The following MAGI2 variants were observed in gnomAD, a reference collection of about 807,000 sequenced individuals.
MAGI2 encodes the protein membrane associated guanylate kinase, WW and PDZ domain containing 2, also known as membrane-associated guanylate kinase, WW and PDZ domain-containing protein 2.
Under a neutral mutation model 133.3 loss-of-function variants are expected in MAGI2, and 35 were observed. The observed-to-expected ratio is 0.26, with a 90% CI of 0.20 to 0.35. MAGI2 has a LOEUF of 0.35. Ranked by LOEUF, MAGI2 falls within the 10% of genes least tolerant of loss-of-function variation. MAGI2 has a pLI of 1.00. For synonymous variants in MAGI2, 729 were observed against 710.6 expected (o/e 1.03, Z -0.41); for missense variants, 1,636 against 1,863.4 (o/e 0.88, Z 2.25).
chr7:78,600,130 G>A (rs1341274957), intron 3 of MAGI2, among the ~76,000 whole-genome samples: 1 of 152,052 alleles, frequency 6.6e-6, no homozygotes, highest in Non-Finnish European at 1.5e-5. Context: ...TTTCAAAAAT[G>A]TGATTATCTT....
intron 21 of MAGI2, among the ~76,000 whole-genome samples, chr7:78,022,201 T>C (rs1219570180): frequency 6.6e-6 from 1 of 152,238 alleles, no homozygotes; most frequent in East Asian, 1.9e-4. Flanking sequence ...AAATGATAAG[T>C]GGTGGCAATC....
intron 9 of MAGI2, among the ~76,000 whole-genome samples, chr7:78,340,708 CAT>C (rs1790280824): frequency 6.6e-6 from 1 of 152,290 alleles, no homozygotes; most frequent in East Asian, 1.9e-4. Flanking sequence ...ACAAAAACCA[CAT>C]GATTATCTCA....
chr7:79,393,632 G>T (rs1412963276), intron 1 of MAGI2, among the ~76,000 whole-genome samples: 1 of 152,052 alleles, frequency 6.6e-6, no homozygotes, highest in African/African-American at 2.4e-5. Context: ...CAAATTTCTT[G>T]CCACATGTGA....
chr7:78,819,516 T>C, intron 2 of MAGI2, among the ~76,000 whole-genome samples: 1 of 152,114 alleles, frequency 6.6e-6, no homozygotes, highest in East Asian at 1.9e-4. Flanking sequence ...TATGCATTTT[T>C]GTTAGACGTC....
chr7:78,071,495 C>T (rs1814695451), intron 21 of MAGI2, among the ~76,000 whole-genome samples: 1 of 152,132 alleles, frequency 6.6e-6, no homozygotes, highest in South Asian at 2.1e-4. Context: ...TGAGATCACA[C>T]CGTTGTACTC....
chr7:78,346,876 A>G (rs1790966874), intron 7 of MAGI2, among the ~76,000 whole-genome samples: 1 of 152,202 alleles, frequency 6.6e-6, no homozygotes, highest in South Asian at 2.1e-4. Flanking sequence ...ACATAGAATT[A>G]TGGCAGGCAA....
chr7:79,327,089 G>A (rs1191481524), intron 1 of MAGI2, among the ~76,000 whole-genome samples: 1 of 152,100 alleles, frequency 6.6e-6, no homozygotes, highest in Non-Finnish European at 1.5e-5. Context: ...AGCCATACTT[G>A]GTGGGTTTGA....
intron 10 of MAGI2, among the ~76,000 whole-genome samples, chr7:78,207,320 T>A: frequency 6.6e-6 from 1 of 152,158 alleles, no homozygotes. Flanking sequence ...GGAGAAACTC[T>A]TTCAATACAA....
At chr7:78,185,521 T>C in intron 13 of MAGI2, 108 bp downstream of exon 13, 1 of 814,334 alleles carries the variant, frequency 1.2e-6, no homozygotes, top group Non-Finnish European at 1.9e-6. Context: ...GTGACTAAAG[T>C]AGCACAGCGA....
At chr7:78,689,660 A>G (rs1161754210) in intron 2 of MAGI2, among the ~76,000 whole-genome samples, 1 of 136,396 alleles carries the variant, frequency 7.3e-6, no homozygotes, top group Non-Finnish European at 1.6e-5. Context: ...AAACTACACA[A>G]TGTGTATCTT....
chr7:78,225,509 A>C (rs1789284575), intron 10 of MAGI2, among the ~76,000 whole-genome samples: 1 of 152,090 alleles, frequency 6.6e-6, no homozygotes, highest in Non-Finnish European at 1.5e-5. Flanking sequence ...GCCAACATGC[A>C]CCTGTATTTG....
At chr7:79,268,514 C>T (rs1415034534) in intron 1 of MAGI2, among the ~76,000 whole-genome samples, 4 of 152,132 alleles carry the variant, frequency 2.6e-5, no homozygotes, top group Admixed American at 2.6e-4. Context: ...AGTAAGCTAG[C>T]CTTCAAAACC....
At position 78,547,960 on chromosome 7, in the gene MAGI2, GCTT is replaced by G. The variant is rs200137347; in HGVS notation, c.539-26318_539-26316del. ...AGTACAGTTTGCCTTAACCTTTTAA[GCTT>G]CTTTTCTTCTCACCTCTAGAATTGG... is the stretch of plus-strand genomic sequence containing the variant. On this transcript the variant is annotated intron_variant, in intron 3 of 21. Transcript: ENST00000354212. 8.8e-3 allele frequency among the ~76,000 whole-genome samples: 1,335 copies of G among 152,310 alleles called. 17 individuals carry two copies. Among genetic ancestry groups the G allele is most frequent in the African/African-American group, 0.031 (1,283 of 41,570 alleles).
intron 9 of MAGI2, among the ~76,000 whole-genome samples, chr7:78,317,473 T>C (rs1013509951): frequency 6.6e-5 from 10 of 152,186 alleles, no homozygotes; most frequent in African/African-American, 2.4e-4. Context: ...CGCATCAGCA[T>C]AGTAGGTTAA....
At chr7:78,704,751 A>G (rs2151159467) in intron 2 of MAGI2, among the ~76,000 whole-genome samples, 1 of 150,540 alleles carries the variant, frequency 6.6e-6, no homozygotes, top group East Asian at 2.0e-4. Flanking sequence ...CTTGGCTGCA[A>G]CATGGAAGGA....
At chr7:78,792,156 A>G (rs931107992) in intron 2 of MAGI2, among the ~76,000 whole-genome samples, 3 of 152,130 alleles carry the variant, frequency 2.0e-5, no homozygotes, top group Admixed American at 6.5e-5. Context: ...AGTTTGGCCT[A>G]AGTTCAAACG....
intron 1 of MAGI2, chr7:79,009,093 T>C (rs1807777384): frequency 6.6e-6 from 1 of 152,134 alleles, no homozygotes. Flanking sequence ...AAATGCCAAC[T>C]ATAGAACAAC....
intron 1 of MAGI2, among the ~76,000 whole-genome samples, chr7:79,266,451 G>T (rs917370382): frequency 2.0e-5 from 3 of 151,952 alleles, no homozygotes; most frequent in African/African-American, 7.3e-5. Flanking sequence ...AAGATTATCT[G>T]ATTACTGAGC....
At chr7:78,320,414 C>A (rs1787880043) in intron 9 of MAGI2, among the ~76,000 whole-genome samples, 1 of 152,174 alleles carries the variant, frequency 6.6e-6, no homozygotes, top group Non-Finnish European at 1.5e-5. Flanking sequence ...CATCAAAAAG[C>A]TTATCCACCA....
Sources: gnomAD v4.1 joint callset for allele counts (sites outside exome capture counted in the v4.1 genomes callset) on GRCh38, gnomAD v4.1.1 for gene constraint, MANE v1.5 for transcripts, NCBI Gene and HGNC (gene_info 2026-07-23, HGNC 2026-07-21) for gene names.